GALNTL6: variants seen among roughly 807,000 people sequenced by gnomAD.
GALNTL6 encodes polypeptide N-acetylgalactosaminyltransferase like 6, also known as polypeptide N-acetylgalactosaminyltransferase-like 6.
In GALNTL6, 46 loss-of-function variants were observed where a neutral mutation model predicts 73.7. The ratio of observed to expected loss-of-function variants is 0.62; its 90% confidence interval spans 0.49 to 0.80. GALNTL6 has a LOEUF of 0.80. GALNTL6 is among the 30% of genes least tolerant of loss of function. The pLI is 0.00. For synonymous variants in GALNTL6, 259 were observed against 263.7 expected, an observed-to-expected ratio of 0.98 and a Z score of 0.17; for missense variants, 604 against 755.0, an observed-to-expected ratio of 0.80 and a Z score of 2.34.
Position 172,670,552 on chromosome 4 carries a change from A to T in GALNTL6, c.554-138809A>T, listed in dbSNP as rs185053723. Among the ~76,000 whole-genome samples, 8 of 152,038 alleles carry T rather than the reference A, an allele frequency of 5.3e-5. No individual in the cohort carries two copies. The East Asian group carries it at 1.5e-3, about 29-fold the overall frequency. On this transcript the variant is annotated intron_variant, in intron 5 of 12. Transcript: ENST00000506823. ...TCCTTATAGAAGCTGGATATTAGAC[A>T]TTTGTCAGATGCATAGTTTTGCAAA...
chr4:172,526,970 A>G (rs1734980042), intron 5 of GALNTL6, among the ~76,000 whole-genome samples: 1 of 152,092 alleles, frequency 6.6e-6, no homozygotes, highest in Non-Finnish European at 1.5e-5. Context: ...GTTGATAATG[A>G]TGGCCCCTGG....
At chr4:171,905,836 A>C (rs918821349) in intron 2 of GALNTL6, among the ~76,000 whole-genome samples, 5 of 151,638 alleles carry the variant, frequency 3.3e-5, no homozygotes, top group Non-Finnish European at 7.4e-5. Flanking sequence ...AGGATTAAGA[A>C]TCTCACTCAA....
At chr4:171,900,279 C>G (rs185808726) in intron 2 of GALNTL6, among the ~76,000 whole-genome samples, 1 of 152,100 alleles carries the variant, frequency 6.6e-6, no homozygotes, top group East Asian at 1.9e-4. Flanking sequence ...TTGAAATCAT[C>G]CCACAAGTCT....
Position 173,009,295 on chromosome 4 carries a change from G to A in GALNTL6, c.1488+1G>A, listed in dbSNP as rs1411113866. 6.3e-7 allele frequency: 1 copy of A among 1,588,878 alleles called. No individual in the cohort carries two copies. The highest frequency in any genetic ancestry group is 8.6e-7 in the Non-Finnish European group (1 of 1,157,092). On this transcript the variant is annotated splice_donor_variant, in intron 11 of 12. Coordinates refer to ENST00000506823, the MANE Select transcript of GALNTL6 (RefSeq NM_001034845.3). LOFTEE classifies it high-confidence loss of function. Reference sequence around the variant, plus strand: ...TGAAAGAACATGGTCTCATGAACAGGTGAGTCACCTCCCAGAAGCCAGGGC... The same window carrying A: ...TGAAAGAACATGGTCTCATGAACAGATGAGTCACCTCCCAGAAGCCAGGGC...
At chr4:172,595,953 A>G (rs1737834245) in intron 5 of GALNTL6, among the ~76,000 whole-genome samples, 1 of 152,140 alleles carries the variant, frequency 6.6e-6, no homozygotes, top group Non-Finnish European at 1.5e-5. Flanking sequence ...TAGGACCTAT[A>G]CTTGAAAAAT....
At chr4:172,059,466 G>T (rs1731127567) in intron 2 of GALNTL6, among the ~76,000 whole-genome samples, 1 of 152,098 alleles carries the variant, frequency 6.6e-6, no homozygotes, top group African/African-American at 2.4e-5. Flanking sequence ...AAAACTAATT[G>T]TCAATTTGGA....
chr4:171,850,718 A>C (rs985805943), intron 2 of GALNTL6, among the ~76,000 whole-genome samples: 2 of 152,182 alleles, frequency 1.3e-5, no homozygotes, highest in African/African-American at 4.8e-5. Context: ...TCTAAACTCC[A>C]AAACAAAGAG....
intron 2 of GALNTL6, among the ~76,000 whole-genome samples, chr4:172,116,209 C>A (rs995008196): frequency 2.0e-5 from 3 of 151,962 alleles, no homozygotes; most frequent in African/African-American, 7.2e-5. Context: ...TAAAAAAATG[C>A]TGTAAACAAA....
intron 5 of GALNTL6, among the ~76,000 whole-genome samples, chr4:172,767,169 T>G (rs1233551007): frequency 6.6e-6 from 1 of 152,226 alleles, no homozygotes; most frequent in Non-Finnish European, 1.5e-5. Context: ...TTCAACGTAT[T>G]ATTTGTGTCA....
At chr4:172,313,286 G>T (rs933401040) in intron 4 of GALNTL6, among the ~76,000 whole-genome samples, 2 of 151,720 alleles carry the variant, frequency 1.3e-5, no homozygotes, top group East Asian at 3.9e-4. Flanking sequence ...CCACCATGCC[G>T]GCTAATTTTT....
At chr4:172,188,869 G>A in intron 2 of GALNTL6, among the ~76,000 whole-genome samples, 1 of 152,170 alleles carries the variant, frequency 6.6e-6, no homozygotes, top group East Asian at 1.9e-4. Flanking sequence ...AGTGTAGTGA[G>A]CAACACAGGA....
chr4:172,156,549 A>ATAC (rs1553997719), intron 2 of GALNTL6, among the ~76,000 whole-genome samples: 5,590 of 65,780 alleles, frequency 0.085, 319 homozygotes, highest in African/African-American at 0.17. Flanking sequence ...TAATATATAT[A>ATAC]TATATATATA....
chr4:172,115,251 G>A (rs1011318413), intron 2 of GALNTL6, among the ~76,000 whole-genome samples: 2 of 152,080 alleles, frequency 1.3e-5, no homozygotes, highest in South Asian at 4.1e-4. Flanking sequence ...CTTTCTAAGT[G>A]TAATACTGAT....
At chr4:172,305,083 G>C (rs1210098473) in intron 3 of GALNTL6, among the ~76,000 whole-genome samples, 1 of 151,890 alleles carries the variant, frequency 6.6e-6, no homozygotes, top group African/African-American at 2.4e-5. Flanking sequence ...TTTGGATAGG[G>C]GTTATACTAT....
chr4:171,872,351 A>G (rs1218453785), intron 2 of GALNTL6, among the ~76,000 whole-genome samples: 2 of 152,136 alleles, frequency 1.3e-5, no homozygotes, highest in Non-Finnish European at 2.9e-5. Context: ...TGTTATTCTA[A>G]ATAATGGCAG....
At chr4:172,473,504 A>G (rs927326725) in intron 5 of GALNTL6, among the ~76,000 whole-genome samples, 7 of 152,194 alleles carry the variant, frequency 4.6e-5, no homozygotes, top group African/African-American at 1.4e-4. Flanking sequence ...AATGACCTCC[A>G]TGTCACTCAA....
rs193078985 is a variant in GALNTL6 at position 172,353,903 on chromosome 4, G to A, written c.553+5214G>A. ...ATGATTTCACAAATGATGATGTCAAGTCTTGAATTCAATTTCTATTTTACA... is the reference window on the plus strand; with the variant it reads ...ATGATTTCACAAATGATGATGTCAAATCTTGAATTCAATTTCTATTTTACA... On this transcript the variant is annotated intron_variant, in intron 5 of 12. Transcript: ENST00000506823. 2.9e-3 allele frequency among the ~76,000 whole-genome samples: 440 copies of A among 152,090 alleles called. 3 individuals are homozygous for A. The highest frequency in any genetic ancestry group is 9.8e-3 in the African/African-American group (406 of 41,514).
At chr4:172,574,854 C>A in intron 5 of GALNTL6, among the ~76,000 whole-genome samples, 1 of 152,004 alleles carries the variant, frequency 6.6e-6, no homozygotes, top group Non-Finnish European at 1.5e-5. Flanking sequence ...TTTGCATTTA[C>A]ATTTTCCAAC....
intron 4 of GALNTL6, among the ~76,000 whole-genome samples, chr4:172,328,533 C>T (rs143060017): frequency 1.3e-5 from 2 of 152,152 alleles, no homozygotes; most frequent in Non-Finnish European, 2.9e-5. Context: ...GCCAGTGATT[C>T]CTATTTTAGG....
Sources: allele counts gnomAD v4.1 joint callset (sites outside exome capture counted in the v4.1 genomes callset), GRCh38; gene constraint gnomAD v4.1.1; transcripts MANE v1.5; gene names NCBI Gene and HGNC (gene_info 2026-07-23, HGNC 2026-07-21).